The following AKAP6 variants were observed in gnomAD, a reference collection of about 807,000 sequenced individuals.
AKAP6 encodes the protein A-kinase anchor protein 6.
Under a neutral mutation model 188.5 loss-of-function variants are expected in AKAP6, and 58 were observed. The observed-to-expected ratio is 0.31, with a 90% CI of 0.25 to 0.38. The LOEUF is 0.38. Ranked by LOEUF, AKAP6 falls within the 10% of genes least tolerant of loss-of-function variation. AKAP6 has a pLI of 1.00. For synonymous variants in AKAP6, 989 were observed against 998.6 expected (o/e 0.99, Z 0.18); for missense variants, 2,710 against 2,740.0 (o/e 0.99, Z 0.24).
At chr14:32,480,228 T>C (rs928715314) in intron 2 of AKAP6, among the ~76,000 whole-genome samples, 4 of 152,160 alleles carry the variant, frequency 2.6e-5, no homozygotes, top group African/African-American at 9.7e-5. Context: ...GAAGAAGCAG[T>C]TGAACAGTTC....
At chr14:32,694,329 T>C (rs947476156) in intron 8 of AKAP6, among the ~76,000 whole-genome samples, 4 of 148,194 alleles carry the variant, frequency 2.7e-5, no homozygotes, top group Non-Finnish European at 4.4e-5. Context: ...CCACTGCACT[T>C]CAGCCTGGAT....
At chr14:32,476,836 T>C (rs1879090356) in intron 2 of AKAP6, among the ~76,000 whole-genome samples, 1 of 152,156 alleles carries the variant, frequency 6.6e-6, no homozygotes, top group South Asian at 2.1e-4. Context: ...CCACAGTGGC[T>C]TACAAGTAAG....
At chr14:32,528,704 G>C (rs759799475) in intron 2 of AKAP6, among the ~76,000 whole-genome samples, 1 of 152,034 alleles carries the variant, frequency 6.6e-6, no homozygotes, top group Non-Finnish European at 1.5e-5. Context: ...TTTAGACAGA[G>C]TCTAGCTCTG....
At chr14:32,556,889 C>T (rs539899867) in intron 4 of AKAP6, among the ~76,000 whole-genome samples, 1 of 151,036 alleles carries the variant, frequency 6.6e-6, no homozygotes, top group Non-Finnish European at 1.5e-5. Context: ...CATTTTGGGT[C>T]TTATGTTTAG....
chr14:32,688,526 C>A (rs1171968760), intron 8 of AKAP6, among the ~76,000 whole-genome samples: 1 of 152,046 alleles, frequency 6.6e-6, no homozygotes, highest in Non-Finnish European at 1.5e-5. Flanking sequence ...TATCCATACC[C>A]AAAGAATAAA....
At chr14:32,597,888 A>G (rs1403288204) in intron 5 of AKAP6, among the ~76,000 whole-genome samples, 1 of 152,130 alleles carries the variant, frequency 6.6e-6, no homozygotes, top group Non-Finnish European at 1.5e-5. Flanking sequence ...TCATTGTTTC[A>G]GTATTCTGAA....
At chr14:32,444,673 G>A (rs1179062032) in intron 2 of AKAP6, among the ~76,000 whole-genome samples, 1 of 152,162 alleles carries the variant, frequency 6.6e-6, no homozygotes, top group Non-Finnish European at 1.5e-5. Context: ...ATAATTATAA[G>A]GTCTACTGGA....
At chr14:32,591,340 A>G (rs2139319464) in intron 5 of AKAP6, among the ~76,000 whole-genome samples, 1 of 152,262 alleles carries the variant, frequency 6.6e-6, no homozygotes, top group East Asian at 1.9e-4. Flanking sequence ...CAGAGAAGCA[A>G]ATGAAAATTC....
chr14:32,576,577 C>T (rs991115071), intron 4 of AKAP6, among the ~76,000 whole-genome samples: 2 of 152,152 alleles, frequency 1.3e-5, no homozygotes, highest in Non-Finnish European at 2.9e-5. Flanking sequence ...GGCTCAGACA[C>T]AGACATTTGG....
intron 1 of AKAP6, among the ~76,000 whole-genome samples, chr14:32,339,944 T>G (rs1886838063): frequency 6.6e-6 from 1 of 151,766 alleles, no homozygotes; most frequent in Admixed American, 6.6e-5. Context: ...ACTTTTGAAC[T>G]GAGTATTTAT....
At chr14:32,402,091 C>A (rs1373842476) in intron 1 of AKAP6, 3 of 152,154 alleles carry the variant, frequency 2.0e-5, no homozygotes, top group African/African-American at 7.2e-5. Context: ...TACAAAGCCA[C>A]CTTGGAATAA....
intron 5 of AKAP6, among the ~76,000 whole-genome samples, chr14:32,595,435 G>T (rs1885653905): frequency 6.6e-6 from 1 of 152,108 alleles, no homozygotes; most frequent in Non-Finnish European, 1.5e-5. Flanking sequence ...AGGCTCTGCT[G>T]AACCTGGATC....
At chr14:32,696,242 T>C (rs1890398200) in intron 9 of AKAP6, 132 bp downstream of exon 9, 9 of 1,187,366 alleles carry the variant, frequency 7.6e-6, no homozygotes, top group Non-Finnish European at 9.9e-6. Flanking sequence ...CCCTTCCCTG[T>C]CCCCAAACTC....
chr14:32,655,947 T>A (rs1287147674), intron 7 of AKAP6, among the ~76,000 whole-genome samples: 1 of 152,184 alleles, frequency 6.6e-6, no homozygotes, highest in Non-Finnish European at 1.5e-5. Context: ...GTATGTTAGA[T>A]CTGTCTCTCT....
At chr14:32,511,640 G>C (rs555044118) in intron 2 of AKAP6, among the ~76,000 whole-genome samples, 16 of 152,130 alleles carry the variant, frequency 1.1e-4, no homozygotes, top group African/African-American at 3.9e-4. Flanking sequence ...GCCTCCCAAA[G>C]TGCTAGGATT....
At chr14:32,570,004 G>A (rs139129667) in intron 4 of AKAP6, among the ~76,000 whole-genome samples, 33 of 152,152 alleles carry the variant, frequency 2.2e-4, no homozygotes, top group African/African-American at 4.8e-4. Flanking sequence ...GCTAACCTGC[G>A]GGTTCAGATG....
At chr14:32,392,891 C>A (rs2025261) in intron 1 of AKAP6, among the ~76,000 whole-genome samples, 1 of 151,964 alleles carries the variant, frequency 6.6e-6, no homozygotes, top group Admixed American at 6.6e-5. Context: ...TTTCTTCTTA[C>A]AGTAGAACTC....
chr14:32,818,506 GT>G lies in AKAP6; in HGVS notation c.3589-2884del, dbSNP rs750172192. 8.7e-3 allele frequency among the ~76,000 whole-genome samples: 1,238 copies of G among 142,140 alleles called. 5 individuals are homozygous for G. Among genetic ancestry groups the G allele is most frequent in the Non-Finnish European group, 9.5e-3 (613 of 64,692 alleles). The allele number at this position is 142,140 out of a possible 152,430, so 93.2% of individuals were successfully genotyped here. A position where few individuals can be genotyped will look rare whatever the true frequency, so the allele number is the denominator to read the frequency against. Reference sequence around the variant, plus strand: ...ATCACTTGACACAGGGAAAACTTGGGTTTTTTTTTTTTGTAACCGTGAAATT... The same window carrying G: ...ATCACTTGACACAGGGAAAACTTGGGTTTTTTTTTTTGTAACCGTGAAATT... On this transcript the variant is annotated intron_variant, in intron 12 of 13. Coordinates refer to ENST00000280979, the MANE Select transcript of AKAP6 (RefSeq NM_004274.5).
intron 12 of AKAP6, among the ~76,000 whole-genome samples, chr14:32,816,816 T>C (rs1480876133): frequency 6.6e-6 from 1 of 152,184 alleles, no homozygotes; most frequent in East Asian, 1.9e-4. Context: ...GTTATTGTTG[T>C]GTTCTACTTT....
Sources: gnomAD v4.1 joint callset for allele counts (sites outside exome capture counted in the v4.1 genomes callset) on GRCh38, gnomAD v4.1.1 for gene constraint, MANE v1.5 for transcripts, NCBI Gene and HGNC (gene_info 2026-07-23, HGNC 2026-07-21) for gene names.